DLGAP1: variants seen among roughly 807,000 people sequenced by gnomAD.
DLGAP1 encodes DLG associated protein 1, also known as disks large-associated protein 1.
In DLGAP1, 11 loss-of-function variants were observed where a neutral mutation model predicts 90.8. The observed-to-expected ratio is 0.12, with a 90% CI of 0.08 to 0.20. The LOEUF (loss-of-function observed/expected upper bound fraction) is 0.20, where lower values mean the gene tolerates loss of function less well. DLGAP1 is among the 10% of genes least tolerant of loss of function. The probability of loss-of-function intolerance (pLI) is 1.00; values close to 1 mark genes in which losing one functional copy is unlikely to be tolerated. For missense variants in DLGAP1, 1,050 were observed against 1,333.8 expected (o/e 0.79, Z 3.31); for synonymous variants, 558 against 540.7 (o/e 1.03, Z -0.44).
At chr18:3,842,318 C>T (rs966540875) in intron 4 of DLGAP1, among the ~76,000 whole-genome samples, 3 of 152,220 alleles carry the variant, frequency 2.0e-5, no homozygotes, top group East Asian at 1.9e-4. Context: ...ATCATACTCT[C>T]TAAGTCATGT....
intron 3 of DLGAP1, among the ~76,000 whole-genome samples, chr18:3,917,380 A>C (rs1473484954): frequency 6.6e-6 from 1 of 152,214 alleles, no homozygotes; most frequent in African/African-American, 2.4e-5. Context: ...CATGGGTTAC[A>C]AAGGGAAAGC....
chr18:3,972,130 T>C (rs1201677568), intron 3 of DLGAP1, among the ~76,000 whole-genome samples: 1 of 149,938 alleles, frequency 6.7e-6, no homozygotes, highest in Non-Finnish European at 1.5e-5. Flanking sequence ...TATTACAGTT[T>C]ACCTTGTTTT....
At position 4,328,958 on chromosome 18, in the gene DLGAP1, C is replaced by T. The variant is rs559667441; in HGVS notation, c.-267+126048G>A. On this transcript the variant is annotated intron_variant, in intron 1 of 12. Transcript: ENST00000315677. ...ATATAAATTTCTTATCATATATGCT[C>T]TTTAAATATATTCTCCCAGTCTGTA... Among the ~76,000 whole-genome samples the T allele has an allele frequency of 6.3e-4, 95 of 151,992 alleles. 1 individual carries two copies. In the Middle Eastern group the frequency reaches 0.027, roughly 44 times the overall value.
At chr18:4,175,184 C>CT (rs1349465824) in intron 1 of DLGAP1, among the ~76,000 whole-genome samples, 1 of 152,142 alleles carries the variant, frequency 6.6e-6, no homozygotes, top group East Asian at 1.9e-4. Context: ...TGATGATGAG[C>CT]TTTTTTTCAT....
At position 3,733,106 on chromosome 18, in the gene DLGAP1, C is replaced by T. The variant is rs919747382; in HGVS notation, c.1351-3731G>A. On this transcript the variant is annotated intron_variant, in intron 6 of 12. Transcript: ENST00000315677. ...ATATGCACAGAAAACATTATCAGTACTACCCCTGCCCACATATGATTAAAG... is the reference window on the plus strand; with the variant it reads ...ATATGCACAGAAAACATTATCAGTATTACCCCTGCCCACATATGATTAAAG... Among the ~76,000 whole-genome samples, 5 of 152,158 alleles carry T rather than the reference C, an allele frequency of 3.3e-5. No individual in the cohort carries two copies. In the East Asian group the frequency reaches 7.7e-4, roughly 23 times the overall value.
intron 7 of DLGAP1, among the ~76,000 whole-genome samples, chr18:3,701,757 T>C (rs778262787): frequency 6.6e-6 from 1 of 152,164 alleles, no homozygotes; most frequent in Non-Finnish European, 1.5e-5. Context: ...ATATTTTGGG[T>C]TCAGAGCAAA....
intron 1 of DLGAP1, among the ~76,000 whole-genome samples, chr18:4,450,871 T>C (rs191194205): frequency 4.9e-4 from 75 of 152,324 alleles, no homozygotes; most frequent in Middle Eastern, 3.4e-3. Context: ...AGAACACTGA[T>C]ATCTAGTTCA....
chr18:3,800,736 TAAAAA>T (rs1246983890), intron 5 of DLGAP1, among the ~76,000 whole-genome samples: 1 of 151,876 alleles, frequency 6.6e-6, no homozygotes, highest in Admixed American at 6.6e-5. Flanking sequence ...TTTGTAATAA[TAAAAA>T]AGGAAATCTT....
At chr18:3,646,027 C>T (rs1409462177) in intron 7 of DLGAP1, among the ~76,000 whole-genome samples, 2 of 152,066 alleles carry the variant, frequency 1.3e-5, no homozygotes, top group East Asian at 1.9e-4. Flanking sequence ...AATCATTTGA[C>T]GGTGGTAGTT....
intron 2 of DLGAP1, among the ~76,000 whole-genome samples, chr18:4,112,118 G>T (rs1178719853): frequency 1.3e-5 from 2 of 151,556 alleles, no homozygotes; most frequent in Admixed American, 6.6e-5. Context: ...CATACATTTT[G>T]GTACGTTGTA....
chr18:3,856,771 T>C (rs999584424), intron 4 of DLGAP1, among the ~76,000 whole-genome samples: 2 of 151,562 alleles, frequency 1.3e-5, no homozygotes, highest in East Asian at 1.9e-4. Flanking sequence ...TGAGGCAGGA[T>C]AATGGCGTGA....
At chr18:4,196,825 C>T (rs1021473638) in intron 1 of DLGAP1, among the ~76,000 whole-genome samples, 3 of 151,992 alleles carry the variant, frequency 2.0e-5, no homozygotes, top group African/African-American at 7.3e-5. Flanking sequence ...CATCTTAAAA[C>T]TTTTCACAAA....
chr18:4,195,770 C>G (rs1435709045), intron 1 of DLGAP1, among the ~76,000 whole-genome samples: 1 of 152,102 alleles, frequency 6.6e-6, no homozygotes, highest in Admixed American at 6.5e-5. Context: ...TCAGGCTGGT[C>G]TCGAAATCCC....
At chr18:3,868,412 G>C (rs1301632348) in intron 4 of DLGAP1, among the ~76,000 whole-genome samples, 2 of 152,106 alleles carry the variant, frequency 1.3e-5, no homozygotes, top group East Asian at 1.9e-4. Context: ...CTGTAGAAAG[G>C]CCTCTCTCCC....
intron 7 of DLGAP1, among the ~76,000 whole-genome samples, chr18:3,718,503 A>G (rs1406316601): frequency 2.0e-5 from 3 of 152,076 alleles, no homozygotes; most frequent in Non-Finnish European, 4.4e-5. Flanking sequence ...GATGGAGATG[A>G]AACAGTGCCT....
chr18:3,991,545 G>T (rs1401151008), intron 3 of DLGAP1, among the ~76,000 whole-genome samples: 1 of 152,212 alleles, frequency 6.6e-6, no homozygotes, highest in Non-Finnish European at 1.5e-5. Flanking sequence ...GGATGACCCA[G>T]ATTTGAGTGG....
chr18:3,748,262 C>T (rs1035834628), intron 5 of DLGAP1, among the ~76,000 whole-genome samples: 3 of 152,192 alleles, frequency 2.0e-5, no homozygotes, highest in Non-Finnish European at 4.4e-5. Context: ...GCCAACCACA[C>T]AAACAAGCTT....
chr18:4,131,601 G>T (rs547114779), intron 2 of DLGAP1, among the ~76,000 whole-genome samples: 1 of 152,072 alleles, frequency 6.6e-6, no homozygotes, highest in African/African-American at 2.4e-5. Context: ...GATGAGGTCC[G>T]CTGACTCCTG....
chr18:3,582,232 T>A lies in DLGAP1; in HGVS notation c.1608A>T (p.Thr536=), dbSNP rs1167132729. ...CTGGAGGTGGTGTCTTCTTATATGT[T>A]GTAATGCAAGATGACACTGGAAGAC... The part of the protein sequence containing the change: ...IQSSTVSSCI[T]TYKKTPPPVP... Residue 536 remains threonine, a synonymous_variant, in exon 8 of 13, where the codon ACA becomes ACT. Transcript: ENST00000315677. 1.9e-6 allele frequency: 3 copies of A among 1,612,906 alleles called. No individual in the cohort carries two copies. In the Admixed American group the frequency reaches 5.0e-5, roughly 27 times the overall value.
Sources: allele counts gnomAD v4.1 joint callset (sites outside exome capture counted in the v4.1 genomes callset), GRCh38; gene constraint gnomAD v4.1.1; transcripts MANE v1.5; gene names NCBI Gene and HGNC (gene_info 2026-07-23, HGNC 2026-07-21).